The following TXNL4A variants were observed in gnomAD, a reference collection of about 807,000 sequenced individuals.
TXNL4A encodes the protein thioredoxin-like protein 4A.
Under a neutral mutation model 14.6 loss-of-function variants are expected in TXNL4A, and 17 were observed. That is an observed-to-expected ratio of 1.16 (90% CI 0.80 to 1.74). The LOEUF (loss-of-function observed/expected upper bound fraction) is 1.74, where lower values mean the gene tolerates loss of function less well. Ranked by LOEUF, TXNL4A falls within the 40% of genes most tolerant of loss-of-function variation. The probability of loss-of-function intolerance (pLI) is 0.00; values close to 1 mark genes in which losing one functional copy is unlikely to be tolerated. For synonymous variants in TXNL4A, 83 were observed against 70.6 expected, an observed-to-expected ratio of 1.18 and a Z score of -0.88; for missense variants, 74 against 195.2, an observed-to-expected ratio of 0.38 and a Z score of 3.70.
chr18:79,984,084 A>G (rs1482897489), intron 1 of TXNL4A, among the ~76,000 whole-genome samples: 2 of 151,966 alleles, frequency 1.3e-5, no homozygotes, highest in Non-Finnish European at 2.9e-5. Flanking sequence ...GGCTAGCTAC[A>G]AGGCTGTTTT....
At chr18:80,024,013 T>C (rs1018050118) in intron 1 of TXNL4A, among the ~76,000 whole-genome samples, 4 of 152,228 alleles carry the variant, frequency 2.6e-5, no homozygotes, top group Non-Finnish European at 4.4e-5. Context: ...GAAGGGATCC[T>C]GAGTGAAAGT....
chr18:79,976,656 A>G (rs2051384046), intron 2 of TXNL4A: 2 of 396,582 alleles, frequency 5.0e-6, no homozygotes, highest in Non-Finnish European at 1.0e-5. Context: ...AATGCGTGCT[A>G]ATTTGTTACA....
rs572764210 is a variant in TXNL4A at position 80,011,031 on chromosome 18, T to C, written c.-61+22820A>G. 5.9e-5 allele frequency among the ~76,000 whole-genome samples: 9 copies of C among 152,068 alleles called. No individual in the cohort carries two copies. The highest frequency in any genetic ancestry group is 2.2e-4 in the African/African-American group (9 of 41,478). ...GGGGAAGAGCAGCTAGGGTTCCTCC[T>C]GGGGTTGGTTTAAGGGTCCGCGGAA... is the stretch of plus-strand genomic sequence containing the variant. On this transcript the variant is annotated intron_variant, in intron 1 of 2. Coordinates refer to the TXNL4A transcript ENST00000585474. This position sits in a 1 kb window ranked among gnomAD's most constrained non-coding sequence, Gnocchi z 4.1.
At chr18:80,028,299 T>C (rs2051898390) in intron 1 of TXNL4A, among the ~76,000 whole-genome samples, 2 of 149,360 alleles carry the variant, frequency 1.3e-5, no homozygotes, top group Admixed American at 1.3e-4. Flanking sequence ...GGTTCCCCCC[T>C]TACCATTTCT....
At chr18:80,019,582 C>T (rs2051835108) in intron 1 of TXNL4A, among the ~76,000 whole-genome samples, 2 of 152,220 alleles carry the variant, frequency 1.3e-5, no homozygotes, top group South Asian at 4.1e-4. Flanking sequence ...GCATTTCTGC[C>T]CAGGGATAGC....
chr18:79,975,546 C>T (rs902679740), intron 2 of TXNL4A, among the ~76,000 whole-genome samples: 1 of 152,184 alleles, frequency 6.6e-6, no homozygotes, highest in Non-Finnish European at 1.5e-5. Context: ...GGGGCAGAGA[C>T]CTAAGACGGC....
intron 1 of TXNL4A, among the ~76,000 whole-genome samples, chr18:80,019,037 G>A (rs377224345): frequency 2.0e-5 from 3 of 152,158 alleles, no homozygotes; most frequent in African/African-American, 7.2e-5. Context: ...CCTCTAGGAA[G>A]TTCCAAACTT....
chr18:80,014,779 T>A (rs888162049), intron 1 of TXNL4A, among the ~76,000 whole-genome samples: 12 of 152,196 alleles, frequency 7.9e-5, no homozygotes, highest in Non-Finnish European at 1.3e-4. Flanking sequence ...CAACCCCAAA[T>A]TTCCCTTCTG....
rs143131944 is a variant in TXNL4A, at chr18:79,973,691, G to A, written c.423C>T (p.Arg141=). The change falls in exon 3 of 3, where the codon CGC becomes CGT. Residue 141 remains arginine, a synonymous_variant. Coordinates refer to ENST00000269601, the MANE Select transcript of TXNL4A (RefSeq NM_006701.5). ...CGCGCAGACTGAGGGCGCCTCAGTA[G>A]CGGTACTTGGTGGAGTAGTCCTTGG... ...VSPKDYSTKY[R]Y is the part of the protein sequence containing the mutation. The A allele has an allele frequency of 9.1e-4, 1,460 of 1,612,474 alleles. 9 individuals are homozygous for A. Among genetic ancestry groups the A allele is most frequent in the Middle Eastern group, 8.9e-3 (54 of 6,058 alleles).
chr18:79,989,692 G>A (rs1211744561), upstream of TXNL4A, among the ~76,000 whole-genome samples: 1 of 152,072 alleles, frequency 6.6e-6, no homozygotes, highest in Non-Finnish European at 1.5e-5. Context: ...TCCTTTAGAT[G>A]ACAAATTTAA....
chr18:80,012,986 T>A (rs2051780881), intron 1 of TXNL4A, among the ~76,000 whole-genome samples: 1 of 151,962 alleles, frequency 6.6e-6, no homozygotes, highest in Admixed American at 6.6e-5. Context: ...ACGACCTGCT[T>A]CTGGGTCGGG....
At chr18:80,014,557 G>A (rs888296542) in intron 1 of TXNL4A, among the ~76,000 whole-genome samples, 1 of 152,196 alleles carries the variant, frequency 6.6e-6, no homozygotes, top group African/African-American at 2.4e-5. Flanking sequence ...ATGGTCTTGG[G>A]CAGCTCCACC....
intron 1 of TXNL4A, among the ~76,000 whole-genome samples, chr18:80,015,181 T>C (rs1205559536): frequency 6.9e-6 from 1 of 145,636 alleles, no homozygotes; most frequent in African/African-American, 2.5e-5. Flanking sequence ...ATTTTCCCCA[T>C]TGTCTTGGGG....
At chr18:79,980,335 C>T (rs1347881272) in intron 1 of TXNL4A, among the ~76,000 whole-genome samples, 4 of 152,202 alleles carry the variant, frequency 2.6e-5, no homozygotes, top group African/African-American at 9.7e-5. Flanking sequence ...CCTCTCACAG[C>T]AGTCACGGGA....
upstream of TXNL4A, among the ~76,000 whole-genome samples, chr18:79,989,507 TAC>T (rs1447842598): frequency 6.6e-6 from 1 of 152,198 alleles, no homozygotes; most frequent in African/African-American, 2.4e-5. Context: ...CCCAAACCCT[TAC>T]TAGTGCCAGT....
chr18:79,989,415 C>G (rs963626666), upstream of TXNL4A, among the ~76,000 whole-genome samples: 3 of 152,102 alleles, frequency 2.0e-5, no homozygotes, highest in Non-Finnish European at 4.4e-5. Context: ...CGACCTAAAG[C>G]CAGTTTTATT....
At chr18:79,984,717 ACT>A (rs1216498563) in intron 1 of TXNL4A, among the ~76,000 whole-genome samples, 1 of 152,114 alleles carries the variant, frequency 6.6e-6, no homozygotes, top group Non-Finnish European at 1.5e-5. Flanking sequence ...CTGAGCTCAT[ACT>A]CTGTCTTAGC....
chr18:80,011,983 C>A lies in TXNL4A; in HGVS notation c.-61+21868G>T, dbSNP rs3865386. Among the ~76,000 whole-genome samples the A allele has an allele frequency of 0.12, 18,655 of 152,030 alleles. 1,989 individuals are homozygous for A. Among genetic ancestry groups the A allele is most frequent in the East Asian group, 0.43 (2,229 of 5,136 alleles). On this transcript the variant is annotated intron_variant, in intron 1 of 2. Transcript: ENST00000585474. This position sits in a 1 kb window ranked among gnomAD's most constrained non-coding sequence, Gnocchi z 4.1. ...ATCCTTTTCCTCATCCCTTCCTCCC[C>A]CTCCCATCTGCCCTAAGAACAAAGA...
chr18:80,006,165 C>T (rs2051728915), intron 1 of TXNL4A, among the ~76,000 whole-genome samples: 1 of 152,024 alleles, frequency 6.6e-6, no homozygotes, highest in South Asian at 2.1e-4. Context: ...GCGGGCGGAT[C>T]ACGAGGTCAG....
Sources: allele counts gnomAD v4.1 joint callset (sites outside exome capture counted in the v4.1 genomes callset), GRCh38; gene constraint gnomAD v4.1.1; non-coding constraint Gnocchi (gnomAD v3.1); transcripts MANE v1.5; gene names NCBI Gene and HGNC (gene_info 2026-07-23, HGNC 2026-07-21).